The following ABCA13 variants were observed in gnomAD, a reference collection of about 807,000 sequenced individuals.
The protein encoded by ABCA13 is ATP binding cassette subfamily A member 13.
ABCA13 carries 476 observed loss-of-function variants against 478.7 expected under a neutral mutation model. That is an observed-to-expected ratio of 0.99 (90% CI 0.92 to 1.07). The LOEUF (loss-of-function observed/expected upper bound fraction) is 1.07. ABCA13 is among the 50% of genes least tolerant of loss of function. The pLI is 0.00. For missense variants in ABCA13, 6,060 were observed against 5,910.6 expected, an observed-to-expected ratio of 1.03 and a Z score of -0.83; for synonymous variants, 2,252 against 2,158.9, an observed-to-expected ratio of 1.04 and a Z score of -1.20.
At chr7:48,530,845 T>C (rs554176713) in intron 55 of ABCA13, among the ~76,000 whole-genome samples, 1 of 152,328 alleles carries the variant, frequency 6.6e-6, no homozygotes, top group Admixed American at 6.5e-5. Flanking sequence ...TTTTGTTTCT[T>C]TCCTGCTGAT....
At chr7:48,303,152 G>C (rs1269593835) in intron 23 of ABCA13, among the ~76,000 whole-genome samples, 3 of 151,870 alleles carry the variant, frequency 2.0e-5, no homozygotes, top group African/African-American at 7.3e-5. Context: ...AAAAGTGTCT[G>C]TTCATGTCCT....
intron 58 of ABCA13, among the ~76,000 whole-genome samples, chr7:48,597,538 T>C (rs953289507): frequency 2.0e-5 from 3 of 152,246 alleles, no homozygotes; most frequent in Non-Finnish European, 4.4e-5. Context: ...ACTGCAGAGT[T>C]ATTTCCCAAA....
chr7:48,260,118 G>T (rs1192410224), intron 15 of ABCA13, among the ~76,000 whole-genome samples: 4 of 151,960 alleles, frequency 2.6e-5, no homozygotes, highest in Non-Finnish European at 4.4e-5. Context: ...TGTCATTTCA[G>T]CCATTTCAGC....
chr7:48,412,231 T>C (rs1819360966), intron 40 of ABCA13, 122 bp from the exon 41 acceptor site: 1 of 719,932 alleles, frequency 1.4e-6, no homozygotes, highest in African/African-American at 1.8e-5. Flanking sequence ...AGTGTGATAT[T>C]TCATTTAAGC....
At chr7:48,355,198 G>A (rs745574317) in intron 31 of ABCA13, among the ~76,000 whole-genome samples, 34 of 152,094 alleles carry the variant, frequency 2.2e-4, no homozygotes, top group Middle Eastern at 3.4e-3. Flanking sequence ...AGCAGGGTCA[G>A]GGACACTAGG....
intron 55 of ABCA13, among the ~76,000 whole-genome samples, chr7:48,577,878 G>A (rs900626541): frequency 2.6e-5 from 4 of 152,004 alleles, no homozygotes; most frequent in Non-Finnish European, 5.9e-5. Context: ...TATATACTAT[G>A]ACAAAGAAGG....
In ABCA13 at chr7:48,278,342, T is replaced by C; in HGVS notation, c.7148T>C (p.Ile2383Thr). The C allele has an allele frequency of 1.2e-6, 2 of 1,613,366 alleles. No homozygotes were observed. The highest frequency in any genetic ancestry group is 1.7e-6 in the Non-Finnish European group (2 of 1,179,540). ...TSMKNKTENN[I>T]DFFTVVSQLF... The stretch of plus-strand genomic sequence containing the variant: ...ATGAAAAATAAGACTGAAAATAATA[T>C]AGACTTTTTCACAGTGGTGAGTCAG... Residue 2383 changes from isoleucine (I) to threonine (T), a missense_variant, in exon 18 of 62, where the codon ATA (isoleucine) becomes ACA (threonine). By Grantham distance (89) the Ile-to-Thr change is moderately conservative. Around this residue, in one of 3 missense-constraint regions of ABCA13, gnomAD observed 4,423 missense variants for 4,309.1 expected, o/e 1.03. Coordinates refer to ENST00000435803, the MANE Select transcript of ABCA13 (RefSeq NM_152701.5).
At chr7:48,552,668 T>G (rs1274050602) in intron 55 of ABCA13, among the ~76,000 whole-genome samples, 1 of 151,328 alleles carries the variant, frequency 6.6e-6, no homozygotes, top group Non-Finnish European at 1.5e-5. Flanking sequence ...AGTAATGTTA[T>G]GATTTAAGTT....
intron 58 of ABCA13, among the ~76,000 whole-genome samples, chr7:48,614,123 G>T (rs1253974136): frequency 4.7e-5 from 7 of 150,030 alleles, no homozygotes; most frequent in Admixed American, 3.4e-4. Context: ...TATTATAACA[G>T]TTTTTCCATT....
rs552432988 is a variant in ABCA13, at chr7:48,430,436, G to C, written c.12565+2565G>C. 3.9e-5 allele frequency among the ~76,000 whole-genome samples: 6 copies of C among 152,212 alleles called. No homozygotes were observed. In the South Asian group the frequency reaches 8.3e-4, roughly 21 times the overall value. ...CACGCCTGTAATCCCAGCACTTTGG[G>C]AAGCTGAGCTGGGTGGATCATGAGG... On this transcript the variant is annotated intron_variant, in intron 42 of 61. Coordinates refer to ENST00000435803, the MANE Select transcript of ABCA13 (RefSeq NM_152701.5).
intron 60 of ABCA13, 136 bp downstream of exon 60, chr7:48,643,529 C>A: frequency 1.4e-6 from 1 of 690,598 alleles, no homozygotes; most frequent in Non-Finnish European, 2.4e-6. Context: ...AAGTATAGGC[C>A]CTGCCTCCCT....
chr7:48,247,765 C>T (rs916950187), intron 13 of ABCA13, among the ~76,000 whole-genome samples: 5 of 152,036 alleles, frequency 3.3e-5, no homozygotes, highest in African/African-American at 9.7e-5. Flanking sequence ...ACATGGCTAT[C>T]CAGGGATCCC....
intron 60 of ABCA13, 93 bp downstream of exon 60, chr7:48,643,486 T>C: frequency 9.0e-7 from 1 of 1,114,190 alleles, no homozygotes; most frequent in Non-Finnish European, 1.3e-6. Context: ...TATGCTGTTA[T>C]AAGATACTAC....
chr7:48,412,296 T>A, intron 40 of ABCA13, 57 bp from the exon 41 acceptor site: 3 of 1,313,350 alleles, frequency 2.3e-6, no homozygotes, highest in Non-Finnish European at 3.2e-6. Flanking sequence ...AATCAATTGA[T>A]GTATATATGG....
intron 55 of ABCA13, among the ~76,000 whole-genome samples, chr7:48,566,139 GA>G (rs1440578962): frequency 6.6e-6 from 1 of 152,104 alleles, no homozygotes; most frequent in Admixed American, 6.6e-5. Context: ...TAATATAAAG[GA>G]AATTAAATGC....
intron 2 of ABCA13, among the ~76,000 whole-genome samples, chr7:48,196,310 G>A (rs1427958575): frequency 2.6e-5 from 4 of 152,158 alleles, no homozygotes; most frequent in Non-Finnish European, 5.9e-5. Flanking sequence ...AGAAACACTG[G>A]AAATGTTTCC....
At chr7:48,350,375 G>C (rs1306962165) in intron 29 of ABCA13, among the ~76,000 whole-genome samples, 1 of 151,806 alleles carries the variant, frequency 6.6e-6, no homozygotes, top group Non-Finnish European at 1.5e-5. Context: ...GTTTCCTTAG[G>C]CTGCTGTATT....
rs962158242 is a variant in ABCA13 at position 48,227,616 on chromosome 7, C to G, written c.632+191C>G. 2.0e-5 allele frequency among the ~76,000 whole-genome samples: 3 copies of G among 152,100 alleles called. No homozygotes were observed. In the South Asian group the frequency reaches 6.2e-4, roughly 31 times the overall value. ...TCTGTGTACATATTTTATATACAGG[C>G]AGTGATGTTGTTCAGAGCGTGTGCT... On this transcript the variant is annotated intron_variant, in intron 6 of 61. Coordinates refer to ENST00000435803, the MANE Select transcript of ABCA13 (RefSeq NM_152701.5).
chr7:48,202,819 C>T (rs1798976563), intron 3 of ABCA13, among the ~76,000 whole-genome samples: 1 of 152,256 alleles, frequency 6.6e-6, no homozygotes, highest in Admixed American at 6.5e-5. Context: ...CTCCAAGGCC[C>T]CACCAGACTC....
Sources: gnomAD v4.1 joint callset for allele counts (sites outside exome capture counted in the v4.1 genomes callset) on GRCh38, gnomAD v4.1.1 for gene constraint, gnomAD v4.1.1 regional missense constraint, MANE v1.5 for transcripts, NCBI Gene and HGNC (gene_info 2026-07-23, HGNC 2026-07-21) for gene names.